Variants in KIAA0232 observed in about 807,000 individuals in gnomAD.
KIAA0232 encodes the protein KIAA0232.
A neutral mutation model predicts 122.0 loss-of-function variants in KIAA0232; 27 were observed. That is an observed-to-expected ratio of 0.22 (90% CI 0.16 to 0.31). The LOEUF is 0.31. Among genes scored for constraint, KIAA0232 ranks in the 10% least tolerant of loss-of-function variants. The pLI is 1.00. For synonymous variants in KIAA0232, 613 were observed against 587.6 expected, an observed-to-expected ratio of 1.04 and a Z score of -0.63; for missense variants, 1,551 against 1,634.2, an observed-to-expected ratio of 0.95 and a Z score of 0.88.
chr4:6,862,260 C>T lies in KIAA0232; in HGVS notation c.1878C>T (p.His626=). ...TAGACAGCACAGTGCTCAATTCACA[C>T]CTGCTTGCTGGCAATCAAGAGCTCT... ...PILDSTVLNS[H]LLAGNQELFS... Residue 626 remains histidine, a synonymous_variant, in exon 7 of 10, where the codon CAC becomes CAT. Coordinates refer to ENST00000307659, the MANE Select transcript of KIAA0232 (RefSeq NM_014743.3). The T allele has an allele frequency of 1.9e-6, 3 of 1,614,204 alleles. No homozygotes were observed. The South Asian group carries it at 3.3e-5, about 18-fold the overall frequency.
intron 1 of KIAA0232, among the ~76,000 whole-genome samples, chr4:6,789,218 G>A (rs994037393): frequency 6.6e-5 from 10 of 151,284 alleles, no homozygotes; most frequent in Non-Finnish European, 8.8e-5. Context: ...TGGTCTGCCC[G>A]CTTTGGCCTC....
chr4:6,805,765 TG>T (rs1717587755), intron 2 of KIAA0232, among the ~76,000 whole-genome samples: 1 of 152,232 alleles, frequency 6.6e-6, no homozygotes, highest in African/African-American at 2.4e-5. Context: ...TGGAGCTTTT[TG>T]CATTTTCAAA....
chr4:6,824,896 T>TTAGA (rs1718598255), intron 3 of KIAA0232, among the ~76,000 whole-genome samples: 1 of 152,218 alleles, frequency 6.6e-6, no homozygotes, highest in Non-Finnish European at 1.5e-5. Context: ...TTCTCCATAG[T>TTAGA]TAGACTTTCT....
chr4:6,798,983 A>G (rs1717256205), intron 1 of KIAA0232, among the ~76,000 whole-genome samples: 1 of 152,306 alleles, frequency 6.6e-6, no homozygotes, highest in East Asian at 1.9e-4. Context: ...ACTTTGATGG[A>G]TGGCTTTTAA....
intron 3 of KIAA0232, among the ~76,000 whole-genome samples, chr4:6,828,728 G>A (rs750427296): frequency 1.2e-4 from 19 of 152,088 alleles, no homozygotes; most frequent in East Asian, 1.9e-4. Flanking sequence ...GAAGTGACTC[G>A]TTGTTTACGT....
intron 4 of KIAA0232, among the ~76,000 whole-genome samples, chr4:6,850,002 A>T (rs534934343): frequency 4.2e-4 from 64 of 152,294 alleles, no homozygotes; most frequent in African/African-American, 1.3e-3. Flanking sequence ...TCTAGCCCAG[A>T]TCTTCTGATC....
intron 2 of KIAA0232, among the ~76,000 whole-genome samples, chr4:6,813,351 G>GTTTTTTTTTT (rs539648260): frequency 3.6e-5 from 5 of 140,698 alleles, no homozygotes; most frequent in Non-Finnish European, 4.7e-5. Context: ...ACTTAGATCT[G>GTTTTTTTTTT]TTTTTTTTTT....
intron 1 of KIAA0232, among the ~76,000 whole-genome samples, chr4:6,789,843 A>T (rs1445757958): frequency 6.6e-6 from 1 of 151,904 alleles, no homozygotes; most frequent in East Asian, 1.9e-4. Flanking sequence ...CCTGGGCAAC[A>T]TGGTGAAACC....
intron 1 of KIAA0232, among the ~76,000 whole-genome samples, chr4:6,790,437 G>A (rs537027024): frequency 1.5e-5 from 2 of 132,194 alleles, no homozygotes; most frequent in East Asian, 4.3e-4. Flanking sequence ...CTCTGTCACC[G>A]AGGCTGGAGT....
chr4:6,853,453 C>T (rs919830947), intron 4 of KIAA0232, among the ~76,000 whole-genome samples: 2 of 152,122 alleles, frequency 1.3e-5, no homozygotes, highest in African/African-American at 2.4e-5. Flanking sequence ...GAAACTGAGG[C>T]TTTGATAGGT....
chr4:6,840,679 A>G (rs933997287), intron 3 of KIAA0232, among the ~76,000 whole-genome samples: 3 of 150,044 alleles, frequency 2.0e-5, no homozygotes, highest in East Asian at 1.9e-4. Context: ...CTGAGTAACT[A>G]TTTGACAAAT....
Position 6,861,372 on chromosome 4 carries a change from G to A in KIAA0232, c.990G>A (p.Gly330=), listed in dbSNP as rs746330243. The change falls in exon 7 of 10, where the codon GGG becomes GGA. Residue 330 remains glycine (G), a synonymous_variant. Coordinates refer to ENST00000307659, the MANE Select transcript of KIAA0232 (RefSeq NM_014743.3). Reference sequence around the variant, plus strand: ...TTCGAAACAAAAAAGGGCGGAATGGGCAAAGCAGGCTTTCTTTGAAGCACG... The same window carrying A: ...TTCGAAACAAAAAAGGGCGGAATGGACAAAGCAGGCTTTCTTTGAAGCACG... The part of the protein sequence containing the change: ...REIRNKKGRN[G]QSRLSLKHGE... 30 of 1,614,034 alleles carry A rather than the reference G, an allele frequency of 1.9e-5. No individual in the cohort carries two copies. The highest frequency in any genetic ancestry group is 2.4e-5 in the Non-Finnish European group (28 of 1,180,034).
At chr4:6,830,036 T>C (rs1389196817) in intron 3 of KIAA0232, among the ~76,000 whole-genome samples, 2 of 152,230 alleles carry the variant, frequency 1.3e-5, no homozygotes. Context: ...TGTTTATTAT[T>C]CTTATTAGGA....
At position 6,855,849 on chromosome 4, in the gene KIAA0232, C is replaced by T. The variant is rs910737862; in HGVS notation, c.370-1315C>T. The T allele has an allele frequency of 1.2e-5, 12 of 985,142 alleles. No homozygotes were observed. The highest frequency in any genetic ancestry group is 1.2e-4 in the Admixed American group (2 of 16,250). 61.0% of individuals were successfully genotyped at this position (985,142 alleles called of 1,614,324 possible). A position where few individuals can be genotyped will look rare whatever the true frequency, so the allele number is the denominator to read the frequency against. On this transcript the variant is annotated intron_variant, in intron 4 of 9. Coordinates refer to ENST00000307659, the MANE Select transcript of KIAA0232 (RefSeq NM_014743.3). This position sits in a 1 kb window ranked among gnomAD's most constrained non-coding sequence, Gnocchi z 4.3. ...TGACACTGGTGTTGGTTTCACGATC[C>T]GAAGGAAATGGAATATAATTGCCGT...
Position 6,862,056 on chromosome 4 carries a change from G to A in KIAA0232, c.1674G>A (p.Met558Ile). ...AATGTTGCATAGTGTTAGATGGTAT[G>A]GAGTTGCAAGGGGAACGTGCAATAT... ...EAECCIVLDG[M>I]ELQGERAIWT... Residue 558 changes from methionine to isoleucine, a missense_variant, in exon 7 of 10, where the codon ATG (methionine) becomes ATA (isoleucine). Transcript: ENST00000307659. 1.9e-6 allele frequency: 3 copies of A among 1,614,182 alleles called. No homozygotes were observed. Among genetic ancestry groups the A allele is most frequent in the Non-Finnish European group, 2.5e-6 (3 of 1,180,036 alleles).
In KIAA0232 at chr4:6,882,875, A is replaced by G. The variant is rs563472204; in HGVS notation, c.*1909A>G. The G allele has an allele frequency of 6.5e-6, 1 of 152,784 alleles. No homozygotes were observed. The highest frequency in any genetic ancestry group is 1.9e-4 in the East Asian group (1 of 5,192). 9.5% of individuals were successfully genotyped at this position (152,784 alleles called of 1,614,324 possible). On this transcript the variant is annotated 3_prime_UTR_variant, in exon 10 of 10. Coordinates refer to ENST00000307659, the MANE Select transcript of KIAA0232 (RefSeq NM_014743.3). Reference sequence around the variant, plus strand: ...AGAAATCGTTGCTTGTGTAGCAAAGACCAAATAAATAGATTTCAGACACAA... The same window carrying G: ...AGAAATCGTTGCTTGTGTAGCAAAGGCCAAATAAATAGATTTCAGACACAA...
rs758426149 is a variant in KIAA0232, at chr4:6,880,781, T to C, written c.4009-6T>C. On this transcript the variant is annotated splice_polypyrimidine_tract_variant and splice_region_variant and intron_variant, in intron 9 of 9. Coordinates refer to ENST00000307659, the MANE Select transcript of KIAA0232 (RefSeq NM_014743.3). ...TTTGATGTGTTGAAAATTGTTTTAA[T>C]CTTAGGTGTCTTCTGTTTATGAAGC... 2.2e-5 allele frequency: 34 copies of C among 1,520,106 alleles called. No individual in the cohort carries two copies. Among genetic ancestry groups the C allele is most frequent in the Admixed American group, 2.2e-4 (10 of 45,528 alleles). 94.2% of individuals were successfully genotyped at this position (1,520,106 alleles called of 1,614,324 possible).
intron 7 of KIAA0232, among the ~76,000 whole-genome samples, chr4:6,867,093 A>G (rs1168450380): frequency 6.6e-6 from 1 of 152,182 alleles, no homozygotes; most frequent in African/African-American, 2.4e-5. Flanking sequence ...CTTTATTGTA[A>G]TCACCCTTCC....
chr4:6,791,910 G>C (rs1326489163), intron 1 of KIAA0232, among the ~76,000 whole-genome samples: 1 of 152,110 alleles, frequency 6.6e-6, no homozygotes, highest in African/African-American at 2.4e-5. Context: ...TGAATCATGG[G>C]GACAGGTCTT....
Sources: gnomAD v4.1 joint callset for allele counts (sites outside exome capture counted in the v4.1 genomes callset) on GRCh38, gnomAD v4.1.1 for gene constraint, Gnocchi (gnomAD v3.1) non-coding constraint, MANE v1.5 for transcripts, NCBI Gene and HGNC (gene_info 2026-07-23, HGNC 2026-07-21) for gene names.